The following DAB1 variants were observed in gnomAD, a reference collection of about 807,000 sequenced individuals.
DAB1 encodes the protein DAB adaptor protein 1, also known as disabled homolog 1.
Under a neutral mutation model 64.6 loss-of-function variants are expected in DAB1, and 15 were observed. That is an observed-to-expected ratio of 0.23 (90% CI 0.16 to 0.36). The LOEUF (loss-of-function observed/expected upper bound fraction) is 0.36. DAB1 is among the 10% of genes least tolerant of loss of function. DAB1 has a pLI of 1.00. For missense variants in DAB1, 596 were observed against 706.7 expected (o/e 0.84, Z 1.78); for synonymous variants, 235 against 251.9 (o/e 0.93, Z 0.64).
At chr1:58,163,135 C>T (rs1655633975) in intron 4 of DAB1, among the ~76,000 whole-genome samples, 1 of 152,178 alleles carries the variant, frequency 6.6e-6, no homozygotes, top group Admixed American at 6.6e-5. Context: ...TGGCCCTATC[C>T]AGTCATGGAG....
intron 7 of DAB1, among the ~76,000 whole-genome samples, chr1:57,445,758 T>C (rs570274918): frequency 6.6e-6 from 1 of 152,346 alleles, no homozygotes; most frequent in South Asian, 2.1e-4. Context: ...CATTTAAGAA[T>C]TCACCCAAAA....
rs1258659894 is a variant in DAB1, at chr1:57,069,398, G to T, written c.625C>A (p.Pro209Thr). ...TCTTCCGTTTCGGGATCACGGATTG[G>T]CTCGTGTCCAGCCTCAAACACAATG... ...QYIVFEAGHE[P>T]IRDPETEENI... Residue 209 changes from proline to threonine, a missense_variant, in exon 8 of 15, where the codon CCA becomes ACA. Pro to Thr is a conservative substitution (Grantham distance 38, BLOSUM62 -1). This residue lies in a region of DAB1 where 176 missense variants were observed against 266.7 expected (regional missense o/e 0.66). Transcript: ENST00000371236. 2 of 1,613,484 alleles carry T rather than the reference G, an allele frequency of 1.2e-6. No homozygotes were observed. The highest frequency in any genetic ancestry group is 1.1e-5 in the South Asian group (1 of 91,058).
chr1:58,372,630 C>T (rs1209659875), intron 3 of DAB1, among the ~76,000 whole-genome samples: 1 of 152,176 alleles, frequency 6.6e-6, no homozygotes, highest in African/African-American at 2.4e-5. Context: ...ATCTCTCCAC[C>T]CAAAGCTCAT....
chr1:57,099,686 A>G (rs1654492369), intron 4 of DAB1, among the ~76,000 whole-genome samples: 5 of 152,246 alleles, frequency 3.3e-5, no homozygotes, highest in Admixed American at 3.3e-4. Context: ...CATTATCTAT[A>G]CATAAACTAG....
chr1:57,400,551 TC>T (rs1253234590), intron 1 of DAB1, among the ~76,000 whole-genome samples: 1 of 150,898 alleles, frequency 6.6e-6, no homozygotes, highest in South Asian at 2.1e-4. Context: ...CCAGTATCAG[TC>T]TTTTTTTTTT....
chr1:58,169,699 T>G (rs1318487313), intron 4 of DAB1, among the ~76,000 whole-genome samples: 2 of 152,282 alleles, frequency 1.3e-5, no homozygotes, highest in East Asian at 1.9e-4. Context: ...ACCTCTCAGC[T>G]TACCCCCATA....
intron 7 of DAB1, among the ~76,000 whole-genome samples, chr1:57,471,846 T>G (rs865951785): frequency 6.6e-6 from 1 of 152,240 alleles, no homozygotes; most frequent in Admixed American, 6.5e-5. Flanking sequence ...TTATACACCA[T>G]TTTGGTCATA....
chr1:57,279,080 A>G (rs1671691612), intron 2 of DAB1, among the ~76,000 whole-genome samples: 1 of 152,144 alleles, frequency 6.6e-6, no homozygotes. Context: ...AGATTTGGGG[A>G]ATTTGCGAAA....
chr1:58,533,610 A>C (rs985786488), intron 1 of DAB1, among the ~76,000 whole-genome samples: 6 of 152,206 alleles, frequency 3.9e-5, no homozygotes, highest in African/African-American at 1.4e-4. Flanking sequence ...TCACTTCCCT[A>C]CAATTAATTT....
intron 1 of DAB1, among the ~76,000 whole-genome samples, chr1:57,395,800 T>C (rs1237297129): frequency 1.7e-5 from 1 of 57,582 alleles, no homozygotes; most frequent in East Asian, 2.3e-4. Context: ...GCTACCATAT[T>C]AGGGAATACA....
intron 5 of DAB1, among the ~76,000 whole-genome samples, chr1:57,992,839 C>A (rs186273292): frequency 2.0e-5 from 3 of 151,886 alleles, no homozygotes; most frequent in Admixed American, 2.0e-4. Context: ...CTACCATGAA[C>A]CTCTCAGTGG....
intron 4 of DAB1, among the ~76,000 whole-genome samples, chr1:58,298,056 GACA>G (rs1235080873): frequency 6.6e-6 from 1 of 152,264 alleles, no homozygotes; most frequent in Non-Finnish European, 1.5e-5. Flanking sequence ...ATTATATATT[GACA>G]ACATTTTAAA....
chr1:58,188,962 T>C lies in DAB1; in HGVS notation n.310-38374A>G, dbSNP rs372527185. ...TATACACCACAGCCACTAATCAGGG[T>C]TTAATTAGCCTTATAATTAGAAGGG... On this transcript the variant is annotated intron_variant and non_coding_transcript_variant, in intron 4 of 20. Transcript: ENST00000485760. Among the ~76,000 whole-genome samples, 15 of 152,332 alleles carry C rather than the reference T, an allele frequency of 9.8e-5. No homozygotes were observed. The East Asian group carries it at 2.7e-3, about 27-fold the overall frequency.
chr1:58,403,199 C>T (rs1033212886), intron 3 of DAB1, among the ~76,000 whole-genome samples: 1 of 151,908 alleles, frequency 6.6e-6, no homozygotes, highest in Non-Finnish European at 1.5e-5. Context: ...GAGGTTTGGT[C>T]ACTTGTTTCT....
chr1:58,219,032 T>C (rs1486476426), intron 4 of DAB1, among the ~76,000 whole-genome samples: 1 of 151,314 alleles, frequency 6.6e-6, no homozygotes, highest in Admixed American at 6.6e-5. Flanking sequence ...TCTCTGTGTG[T>C]GTGTGTGTGT....
At chr1:57,553,424 AAGAAAGAAAGAAAGAAAG>A (rs1644942239) in intron 7 of DAB1, among the ~76,000 whole-genome samples, 1 of 16,308 alleles carries the variant, frequency 6.1e-5, no homozygotes, top group Admixed American at 5.0e-4. Context: ...GAAAGAAAGA[AAGAAAGAAAGAAAGAAAG>A]AGAAAGAAAG....
chr1:58,504,449 C>A (rs1439338712), intron 3 of DAB1, among the ~76,000 whole-genome samples: 1 of 152,198 alleles, frequency 6.6e-6, no homozygotes, highest in Non-Finnish European at 1.5e-5. Context: ...CCTTCCTTGA[C>A]AACCGAACAT....
intron 7 of DAB1, among the ~76,000 whole-genome samples, chr1:57,579,817 T>C (rs1452519631): frequency 6.6e-6 from 1 of 152,112 alleles, no homozygotes; most frequent in African/African-American, 2.4e-5. Context: ...CATATTACCT[T>C]GGTGAGGTAT....
intron 4 of DAB1, among the ~76,000 whole-genome samples, chr1:58,166,892 T>C (rs1374090470): frequency 1.3e-5 from 2 of 151,104 alleles, no homozygotes; most frequent in African/African-American, 4.9e-5. Context: ...ATTACAGTTG[T>C]GCACCACCAT....
Sources: allele counts gnomAD v4.1 joint callset (sites outside exome capture counted in the v4.1 genomes callset), GRCh38; gene constraint gnomAD v4.1.1; regional missense constraint gnomAD v4.1.1; transcripts MANE v1.5; gene names NCBI Gene and HGNC (gene_info 2026-07-23, HGNC 2026-07-21).